KLHL1: variants seen among roughly 807,000 people sequenced by gnomAD.
The protein encoded by KLHL1 is kelch like family member 1, also known as kelch-like protein 1.
A neutral mutation model predicts 77.7 loss-of-function variants in KLHL1; 47 were observed. That is an observed-to-expected ratio of 0.60 (90% confidence interval 0.48 to 0.77). The LOEUF is 0.77. Ranked by LOEUF, KLHL1 falls within the 30% of genes least tolerant of loss-of-function variation. The pLI is 0.00. For missense variants in KLHL1, 925 were observed against 910.8 expected (o/e 1.02, Z -0.20); for synonymous variants, 360 against 325.2 (o/e 1.11, Z -1.15).
At chr13:69,759,850 A>T (rs1349300176) in intron 7 of KLHL1, among the ~76,000 whole-genome samples, 7 of 152,190 alleles carry the variant, frequency 4.6e-5, no homozygotes, top group African/African-American at 1.7e-4. Context: ...AGGCCCAGTT[A>T]AGACAAGATT....
chr13:69,957,761 G>C (rs183144589), intron 3 of KLHL1, among the ~76,000 whole-genome samples: 1 of 151,704 alleles, frequency 6.6e-6, no homozygotes, highest in East Asian at 1.9e-4. Flanking sequence ...TTTACAAATG[G>C]CTAAGATCAC....
intron 9 of KLHL1, among the ~76,000 whole-genome samples, chr13:69,716,990 A>G (rs888413840): frequency 6.6e-6 from 1 of 151,860 alleles, no homozygotes; most frequent in South Asian, 2.1e-4. Context: ...CATCTGTTCC[A>G]TAAACTATTC....
At chr13:70,095,836 C>A (rs1305226168) in intron 1 of KLHL1, among the ~76,000 whole-genome samples, 1 of 151,942 alleles carries the variant, frequency 6.6e-6, no homozygotes, top group South Asian at 2.1e-4. Flanking sequence ...TCCACCCCCC[C>A]CACCACACTC....
At chr13:69,860,492 A>C (rs543230038) in intron 5 of KLHL1, among the ~76,000 whole-genome samples, 1 of 152,014 alleles carries the variant, frequency 6.6e-6, no homozygotes, top group Non-Finnish European at 1.5e-5. Context: ...TTAAAAATGA[A>C]TAAGTTGAAG....
chr13:69,728,054 T>C (rs919660359), intron 8 of KLHL1, among the ~76,000 whole-genome samples: 6 of 152,162 alleles, frequency 3.9e-5, no homozygotes, highest in African/African-American at 1.2e-4. Flanking sequence ...TTAAAAATCA[T>C]CTCTTTCAGT....
intron 6 of KLHL1, among the ~76,000 whole-genome samples, chr13:69,804,307 T>TG (rs59457863): frequency 8.6e-4 from 57 of 66,392 alleles, no homozygotes; most frequent in South Asian, 3.4e-3. Flanking sequence ...AATTTTTTTG[T>TG]GGGGGGGGGA....
chr13:69,858,204 T>C (rs529250633), intron 5 of KLHL1, among the ~76,000 whole-genome samples: 3 of 151,956 alleles, frequency 2.0e-5, no homozygotes, highest in Non-Finnish European at 2.9e-5. Context: ...AAGAAAAACA[T>C]CTCCATCCAC....
chr13:70,080,654 T>C (rs763849544), intron 1 of KLHL1, among the ~76,000 whole-genome samples: 3 of 152,160 alleles, frequency 2.0e-5, no homozygotes, highest in African/African-American at 4.8e-5. Flanking sequence ...TGGGGTGCAG[T>C]GTCGTGATCT....
chr13:69,971,559 G>A (rs1884381366), intron 2 of KLHL1, among the ~76,000 whole-genome samples: 1 of 151,650 alleles, frequency 6.6e-6, no homozygotes, highest in Non-Finnish European at 1.5e-5. Flanking sequence ...TTCCATAGTA[G>A]TATCTCTACT....
At chr13:69,918,582 C>T (rs1882523443) in intron 4 of KLHL1, among the ~76,000 whole-genome samples, 1 of 151,814 alleles carries the variant, frequency 6.6e-6, no homozygotes, top group South Asian at 2.1e-4. Flanking sequence ...TAGTTAATGG[C>T]AGCTAACTGC....
chr13:70,040,934 TTCTC>T (rs997232624), intron 1 of KLHL1, among the ~76,000 whole-genome samples: 10 of 152,058 alleles, frequency 6.6e-5, no homozygotes, highest in Admixed American at 2.6e-4. Context: ...CCAGTCTCTT[TTCTC>T]TCTGTTTGTT....
At chr13:69,869,823 G>A (rs1301011287) in intron 5 of KLHL1, among the ~76,000 whole-genome samples, 1 of 152,112 alleles carries the variant, frequency 6.6e-6, no homozygotes. Context: ...AATTACAGAA[G>A]TTGTAAACTA....
chr13:70,025,406 A>G (rs1048845201), intron 1 of KLHL1, among the ~76,000 whole-genome samples: 2 of 152,018 alleles, frequency 1.3e-5, no homozygotes, highest in African/African-American at 4.8e-5. Context: ...TATCTTAAAA[A>G]ATTCTGGCAT....
intron 6 of KLHL1, among the ~76,000 whole-genome samples, chr13:69,806,358 T>TA (rs1877616040): frequency 6.6e-6 from 1 of 152,090 alleles, no homozygotes; most frequent in Admixed American, 6.6e-5. Flanking sequence ...AATAAAACCT[T>TA]AAGAGAACTA....
chr13:70,106,435 T>C (rs969276476), intron 1 of KLHL1, among the ~76,000 whole-genome samples: 2 of 152,216 alleles, frequency 1.3e-5, no homozygotes, highest in African/African-American at 4.8e-5. Flanking sequence ...AAGGATTTTC[T>C]GTAAGTCTTT....
At chr13:69,921,714 A>C (rs1016365327) in intron 4 of KLHL1, among the ~76,000 whole-genome samples, 2 of 152,068 alleles carry the variant, frequency 1.3e-5, no homozygotes, top group African/African-American at 4.8e-5. Flanking sequence ...TATTTTTTCA[A>C]ATTTTAGTTG....
intron 1 of KLHL1, among the ~76,000 whole-genome samples, chr13:70,023,141 A>AG: frequency 6.6e-6 from 1 of 151,898 alleles, no homozygotes; most frequent in African/African-American, 2.4e-5. Flanking sequence ...AAAACAGATA[A>AG]CATTATCACC....
rs67352745 is a variant in KLHL1, at chr13:69,780,714, A to ATG, written c.1639+16022_1639+16023dup. Reference sequence around the variant, plus strand: ...TATATATATATATGTATATATATATATGTATATATATATATATACATATAT... The same window carrying ATG: ...TATATATATATATGTATATATATATATGTGTATATATATATATATACATATAT... On this transcript the variant is annotated intron_variant, in intron 7 of 10. Transcript: ENST00000377844. 3.7e-4 allele frequency among the ~76,000 whole-genome samples: 13 copies of ATG among 35,530 alleles called. 1 individual carries two copies. Among genetic ancestry groups the ATG allele is most frequent in the East Asian group, 1.9e-3 (2 of 1,028 alleles). 23.3% of individuals were successfully genotyped at this position (35,530 alleles called of 152,430 possible).
At position 70,012,019 on chromosome 13, in the gene KLHL1, T is replaced by C. The variant is rs76344813; in HGVS notation, c.498-36217A>G. Among the ~76,000 whole-genome samples, 43 of 152,162 alleles carry C rather than the reference T, an allele frequency of 2.8e-4. No homozygotes were observed. In the East Asian group the frequency reaches 5.2e-3, roughly 19 times the overall value. On this transcript the variant is annotated intron_variant, in intron 1 of 10. Transcript: ENST00000377844. The stretch of plus-strand genomic sequence containing the variant: ...TTAATAATAAGCAGGGGAACTCCTC[T>C]TTATAAAACCATCAGATCTCATGAG...
Sources: gnomAD v4.1 joint callset for allele counts (sites outside exome capture counted in the v4.1 genomes callset) on GRCh38, gnomAD v4.1.1 for gene constraint, MANE v1.5 for transcripts, NCBI Gene and HGNC (gene_info 2026-07-23, HGNC 2026-07-21) for gene names.